The following ACAN variants were observed in gnomAD, a reference collection of about 807,000 sequenced individuals.
The protein encoded by ACAN is aggrecan core protein.
A neutral mutation model predicts 169.1 loss-of-function variants in ACAN; 47 were observed. That is an observed-to-expected ratio of 0.28 (90% CI 0.22 to 0.35). The LOEUF (loss-of-function observed/expected upper bound fraction) is 0.35, where lower values mean the gene tolerates loss of function less well. Among genes scored for constraint, ACAN ranks in the 10% least tolerant of loss-of-function variants. The pLI is 1.00. For missense variants in ACAN, 2,716 were observed against 2,759.9 expected (o/e 0.98, Z 0.36); for synonymous variants, 1,115 against 1,112.2 (o/e 1.00, Z -0.05).
At chr15:88,808,344 A>G (rs113332756) in intron 1 of ACAN, among the ~76,000 whole-genome samples, 1 of 152,242 alleles carries the variant, frequency 6.6e-6, no homozygotes, top group Non-Finnish European at 1.5e-5. Context: ...TCATCACAGA[A>G]TATGTCGTGT....
chr15:88,874,751 A>G lies in ACAN; in HGVS notation c.*270A>G, dbSNP rs1163279918. On this transcript the variant is annotated 3_prime_UTR_variant, in exon 19 of 19. Transcript: ENST00000560601. This position sits in a 1 kb window ranked among gnomAD's most constrained non-coding sequence, Gnocchi z 7.3. ...TTTAGAGACATTTCTTCAATTTCCCATCGTGCCTTTCCAGGGACCAGTGCA... is the reference window on the plus strand; with the variant it reads ...TTTAGAGACATTTCTTCAATTTCCCGTCGTGCCTTTCCAGGGACCAGTGCA... The G allele has an allele frequency of 3.9e-6, 2 of 507,168 alleles. No individual in the cohort carries two copies. Among genetic ancestry groups the G allele is most frequent in the Admixed American group, 2.7e-5 (1 of 37,034 alleles). 31.4% of individuals were successfully genotyped at this position (507,168 alleles called of 1,614,324 possible).
rs1226602592 is a variant in ACAN, at chr15:88,845,770, C to A, written c.1317C>A (p.Ala439=). 1 of 1,607,578 alleles carries A rather than the reference C, an allele frequency of 6.2e-7. No individual in the cohort carries two copies. The highest frequency in any genetic ancestry group is 8.5e-7 in the Non-Finnish European group (1 of 1,176,356). The change falls in exon 7 of 19, where the codon GCC becomes GCA. Residue 439 remains alanine (A), a synonymous_variant. Coordinates refer to ENST00000560601, the MANE Select transcript of ACAN (RefSeq NM_001369268.1). ...FAEVENETGE[A]TRPWGFPTPG... Reference sequence around the variant, plus strand: ...AGGTTGAGAATGAGACTGGAGAGGCCACCAGGCCCTGGGGCTTTCCCACAC... The same window carrying A: ...AGGTTGAGAATGAGACTGGAGAGGCAACCAGGCCCTGGGGCTTTCCCACAC...
intron 13 of ACAN, among the ~76,000 whole-genome samples, chr15:88,867,595 T>C (rs545278012): frequency 6.6e-6 from 1 of 152,162 alleles, no homozygotes; most frequent in Admixed American, 6.5e-5. Flanking sequence ...TAAAATAATA[T>C]CTACTGAAGA....
rs555151392 is a variant in ACAN at position 88,840,927 on chromosome 15, G to A, written c.629+741G>A. 1.6e-4 allele frequency among the ~76,000 whole-genome samples: 24 copies of A among 152,266 alleles called. No homozygotes were observed. In the South Asian group the frequency reaches 2.3e-3, roughly 15 times the overall value. ...TGGGAGGCCAAGGCGGGCAGATCAC[G>A]AAGTCAGGAGATCGAGACCATCCTA... On this transcript the variant is annotated intron_variant, in intron 4 of 18. Coordinates refer to ENST00000560601, the MANE Select transcript of ACAN (RefSeq NM_001369268.1).
At chr15:88,811,643 G>A (rs974826092) in intron 1 of ACAN, among the ~76,000 whole-genome samples, 11 of 152,300 alleles carry the variant, frequency 7.2e-5, no homozygotes, top group African/African-American at 2.4e-4. Flanking sequence ...CTCTCCACTT[G>A]TTCCCTATCC....
At chr15:88,845,422 A>G in intron 6 of ACAN, 83 bp from the exon 7 acceptor site, 1 of 1,510,178 alleles carries the variant, frequency 6.6e-7, no homozygotes, top group African/African-American at 1.4e-5. Flanking sequence ...AGGGGGAGCC[A>G]TGCTCATCTC....
At position 88,873,759 on chromosome 15, in the gene ACAN, C is replaced by G. The variant is rs1897437600; in HGVS notation, c.7448-83C>G. The G allele has an allele frequency of 6.9e-7, 1 of 1,444,424 alleles. No individual in the cohort carries two copies. Among genetic ancestry groups the G allele is most frequent in the South Asian group, 1.3e-5 (1 of 79,686 alleles). The allele number at this position is 1,444,424 out of a possible 1,614,324, so 89.5% of individuals were successfully genotyped here. The stretch of plus-strand genomic sequence containing the variant: ...ACTGTCAGATGTTGAGGCTGTGTCC[C>G]CCACAGTGCCTCGGGTCACAACCAG... On this transcript the variant is annotated intron_variant, in intron 17 of 18. Transcript: ENST00000560601. This position sits in a 1 kb window ranked among gnomAD's most constrained non-coding sequence, Gnocchi z 7.5.
At chr15:88,811,911 C>T (rs1244844508) in intron 1 of ACAN, among the ~76,000 whole-genome samples, 1 of 152,024 alleles carries the variant, frequency 6.6e-6, no homozygotes, top group East Asian at 1.9e-4. Context: ...GCTTTGTTCT[C>T]CCCCATCCCC....
intron 1 of ACAN, among the ~76,000 whole-genome samples, chr15:88,821,643 C>T (rs528935165): frequency 2.6e-4 from 40 of 152,258 alleles, no homozygotes; most frequent in Admixed American, 3.9e-4. Context: ...TTATTCCTGC[C>T]ATGTGAGGTC....
At chr15:88,808,223 T>G (rs1307124544) in intron 1 of ACAN, among the ~76,000 whole-genome samples, 1 of 152,134 alleles carries the variant, frequency 6.6e-6, no homozygotes, top group Non-Finnish European at 1.5e-5. Flanking sequence ...TGGTCCTCAT[T>G]TAAGAGATCG....
chr15:88,848,010 T>G lies in ACAN; in HGVS notation c.1704T>G (p.Asp568Glu). 6.2e-7 allele frequency: 1 copy of G among 1,613,952 alleles called. No homozygotes were observed. Among genetic ancestry groups the G allele is most frequent in the South Asian group, 1.1e-5 (1 of 91,076 alleles). ...TGCGCCCATCAACAGAGACCTACGA[T>G]GTCTACTGCTTTGTAGACAGACTTG... ...YGVRPSTETYDVYCFVDRLEG... is the reference protein window; with the variant it reads ...YGVRPSTETYEVYCFVDRLEG... Residue 568 changes from aspartate (D) to glutamate (E), a missense_variant, in exon 9 of 19, where the codon GAT becomes GAG. Physicochemically the swap from Asp to Glu is conservative, Grantham distance 45 (BLOSUM62 2). Transcript: ENST00000560601.
At chr15:88,817,896 A>AAAAAAT (rs1372881202) in intron 1 of ACAN, among the ~76,000 whole-genome samples, 49 of 151,930 alleles carry the variant, frequency 3.2e-4, no homozygotes, top group Middle Eastern at 3.4e-3. Flanking sequence ...GAAAAAAAAG[A>AAAAAAT]AAAAATAAAA....
Position 88,874,183 on chromosome 15 carries a change from C to A in ACAN, c.7630+159C>A, listed in dbSNP as rs1185689545. ...CAGTCACAAATAGCTGACCACTGCC[C>A]TTAGAAGGGCCACGTACTTGTCCCA... On this transcript the variant is annotated intron_variant, in intron 18 of 18. Coordinates refer to ENST00000560601, the MANE Select transcript of ACAN (RefSeq NM_001369268.1). This position sits in a 1 kb window ranked among gnomAD's most constrained non-coding sequence, Gnocchi z 7.3. 4.6e-6 allele frequency: 5 copies of A among 1,098,344 alleles called. No homozygotes were observed. The highest frequency in any genetic ancestry group is 6.7e-6 in the Non-Finnish European group (5 of 749,252). 68.0% of individuals were successfully genotyped at this position (1,098,344 alleles called of 1,614,324 possible).
intron 1 of ACAN, among the ~76,000 whole-genome samples, chr15:88,831,959 G>T (rs1896375354): frequency 1.3e-5 from 2 of 152,174 alleles, no homozygotes; most frequent in Non-Finnish European, 2.9e-5. Context: ...GAGGGGATGT[G>T]TTTTGGGTGG....
intron 1 of ACAN, 24 bp downstream of exon 1, chr15:88,803,833 G>C (rs888183624): frequency 2.0e-5 from 3 of 152,414 alleles, no homozygotes; most frequent in Admixed American, 6.5e-5. Context: ...TCCCTCCAGA[G>C]CGAGGCTCTC....
At chr15:88,819,147 A>T (rs953607076) in intron 1 of ACAN, among the ~76,000 whole-genome samples, 1 of 152,174 alleles carries the variant, frequency 6.6e-6, no homozygotes, top group Non-Finnish European at 1.5e-5. Context: ...GGACAGTCAC[A>T]CAGCCAGTAC....
At chr15:88,847,620 G>C (rs1048734415) in intron 8 of ACAN, among the ~76,000 whole-genome samples, 9 of 152,152 alleles carry the variant, frequency 5.9e-5, no homozygotes, top group Non-Finnish European at 5.9e-5. Context: ...CTCCCCATCA[G>C]ACAGAGGCAG....
At chr15:88,842,621 T>C (rs1896693354) in intron 5 of ACAN, among the ~76,000 whole-genome samples, 2 of 151,456 alleles carry the variant, frequency 1.3e-5, no homozygotes, top group South Asian at 4.2e-4. Context: ...TTTCTCACCA[T>C]CGTAGGCCCC....
Position 88,843,537 on chromosome 15 carries a change from G to C in ACAN, c.940G>C (p.Ala314Pro). The C allele has an allele frequency of 1.2e-6, 2 of 1,612,740 alleles. No homozygotes were observed. The highest frequency in any genetic ancestry group is 1.1e-5 in the South Asian group (1 of 91,050). The stretch of plus-strand genomic sequence containing the variant: ...CAGCGTGCGCTACCCCATCTCCAAG[G>C]CCCGGCCCAACTGCGGTGGCAACCT... ...DRSVRYPISK[A>P]RPNCGGNLLG... Residue 314 changes from alanine to proline, a missense_variant, in exon 6 of 19, where the codon GCC becomes CCC. By Grantham distance (27) the Ala-to-Pro change is conservative (BLOSUM62 -1). This residue lies in a region of ACAN where 1,283 missense variants were observed against 1,281.5 expected (regional missense o/e 1.00). Transcript: ENST00000560601. This position sits in a 1 kb window ranked among gnomAD's most constrained non-coding sequence, Gnocchi z 4.0.
Sources: gnomAD v4.1 joint callset for allele counts (sites outside exome capture counted in the v4.1 genomes callset) on GRCh38, gnomAD v4.1.1 for gene constraint, gnomAD v4.1.1 regional missense constraint, Gnocchi (gnomAD v3.1) non-coding constraint, MANE v1.5 for transcripts, NCBI Gene and HGNC (gene_info 2026-07-23, HGNC 2026-07-21) for gene names.